The following TTC28 variants were observed in gnomAD, a reference collection of about 807,000 sequenced individuals.
TTC28 encodes the protein tetratricopeptide repeat protein 28.
A neutral mutation model predicts 198.0 loss-of-function variants in TTC28; 61 were observed. That is an observed-to-expected ratio of 0.31 (90% CI 0.25 to 0.38). The LOEUF is 0.38. TTC28 is among the 10% of genes least tolerant of loss of function. The pLI, the probability that TTC28 is intolerant of heterozygous loss-of-function variation, is 1.00. For missense variants in TTC28, 2,678 were observed against 3,164.0 expected, an observed-to-expected ratio of 0.85 and a Z score of 3.69; for synonymous variants, 1,171 against 1,297.8, an observed-to-expected ratio of 0.90 and a Z score of 2.10.
intron 1 of TTC28, among the ~76,000 whole-genome samples, chr22:28,639,916 A>G (rs1043833413): frequency 1.3e-5 from 2 of 152,246 alleles, no homozygotes; most frequent in African/African-American, 2.4e-5. Context: ...ACTAAAATAT[A>G]TAATACACGA....
intron 5 of TTC28, among the ~76,000 whole-genome samples, chr22:28,265,142 A>G (rs1385457963): frequency 6.6e-6 from 1 of 152,196 alleles, no homozygotes; most frequent in Non-Finnish European, 1.5e-5. Context: ...TCCTGTGCTC[A>G]TTGTTTTTAT....
chr22:28,480,998 G>T (rs1467496237), intron 2 of TTC28, among the ~76,000 whole-genome samples: 3 of 152,038 alleles, frequency 2.0e-5, no homozygotes, highest in Admixed American at 2.0e-4. Flanking sequence ...CTCCCTGAAG[G>T]TCACACAGCC....
At chr22:28,239,683 T>C (rs1929522134) in intron 5 of TTC28, among the ~76,000 whole-genome samples, 1 of 152,118 alleles carries the variant, frequency 6.6e-6, no homozygotes, top group Non-Finnish European at 1.5e-5. Flanking sequence ...TTTGGGTTTT[T>C]TTCCCCTAGG....
At chr22:28,170,221 C>T (rs1922520721) in intron 5 of TTC28, among the ~76,000 whole-genome samples, 2 of 152,120 alleles carry the variant, frequency 1.3e-5, no homozygotes, top group African/African-American at 2.4e-5. Flanking sequence ...GGTGCGGTGG[C>T]TCACACCTGT....
intron 2 of TTC28, among the ~76,000 whole-genome samples, chr22:28,593,333 A>G (rs944403827): frequency 1.3e-5 from 2 of 152,184 alleles, no homozygotes; most frequent in African/African-American, 4.8e-5. Context: ...TAGCTCTTCC[A>G]ATATTCATGC....
At chr22:28,309,983 C>T (rs1453299485) in intron 2 of TTC28, among the ~76,000 whole-genome samples, 1 of 152,046 alleles carries the variant, frequency 6.6e-6, no homozygotes. Context: ...TGTTGGTCAC[C>T]ACAAATACAC....
At chr22:28,607,084 A>G (rs755470609) in intron 2 of TTC28, among the ~76,000 whole-genome samples, 3 of 152,212 alleles carry the variant, frequency 2.0e-5, no homozygotes, top group Non-Finnish European at 4.4e-5. Context: ...GATACTGAGA[A>G]GAGCCCAAAC....
intron 6 of TTC28, among the ~76,000 whole-genome samples, chr22:28,133,174 G>A (rs982754132): frequency 6.6e-6 from 1 of 152,222 alleles, no homozygotes; most frequent in African/African-American, 2.4e-5. Context: ...CGTGAGGTGA[G>A]ATCGTGCCAT....
chr22:28,101,333 A>G (rs1000035248), intron 8 of TTC28, 53 bp from the exon 9 acceptor site: 2 of 1,409,686 alleles, frequency 1.4e-6, no homozygotes, highest in Non-Finnish European at 2.0e-6. Flanking sequence ...TAATTCCACT[A>G]TCCTAAGGAG....
intron 2 of TTC28, among the ~76,000 whole-genome samples, chr22:28,625,746 A>G (rs1049167280): frequency 1.3e-5 from 2 of 152,204 alleles, no homozygotes; most frequent in East Asian, 1.9e-4. Flanking sequence ...ACTTAGAAAA[A>G]AGAAAGAACA....
intron 2 of TTC28, among the ~76,000 whole-genome samples, chr22:28,609,689 T>G (rs1236997807): frequency 6.6e-6 from 1 of 151,008 alleles, no homozygotes; most frequent in Non-Finnish European, 1.5e-5. Context: ...GTTTGTTTGT[T>G]TTTTTTTTTC....
chr22:28,449,907 T>C (rs1238900087), intron 2 of TTC28, among the ~76,000 whole-genome samples: 2 of 152,060 alleles, frequency 1.3e-5, no homozygotes, highest in Non-Finnish European at 2.9e-5. Context: ...CCAAGAAGGA[T>C]TTAAAGGTGA....
intron 1 of TTC28, among the ~76,000 whole-genome samples, chr22:28,646,240 T>C (rs1223041913): frequency 2.0e-5 from 3 of 152,206 alleles, no homozygotes; most frequent in Non-Finnish European, 4.4e-5. Flanking sequence ...CACAGATCAG[T>C]GGCACTGCTA....
chr22:28,647,539 A>G (rs2051488259), intron 1 of TTC28, among the ~76,000 whole-genome samples: 1 of 152,104 alleles, frequency 6.6e-6, no homozygotes, highest in African/African-American at 2.4e-5. Context: ...ACACAATCCC[A>G]TCAAAAAGCG....
chr22:28,537,068 C>T (rs1013964634), intron 2 of TTC28, among the ~76,000 whole-genome samples: 1 of 150,542 alleles, frequency 6.6e-6, no homozygotes, highest in Admixed American at 6.6e-5. Context: ...CCGAGGCAGG[C>T]GGATCACGAG....
At chr22:28,109,591 C>A (rs553922559) in intron 6 of TTC28, among the ~76,000 whole-genome samples, 1 of 152,280 alleles carries the variant, frequency 6.6e-6, no homozygotes, top group East Asian at 1.9e-4. Flanking sequence ...ATTGTTTTAA[C>A]AAGCAGTTTA....
chr22:28,482,735 C>T (rs2048269245), intron 2 of TTC28, among the ~76,000 whole-genome samples: 1 of 152,136 alleles, frequency 6.6e-6, no homozygotes, highest in Non-Finnish European at 1.5e-5. Flanking sequence ...CTATTCTCCC[C>T]TCTCCCTTTG....
Position 27,981,725 on chromosome 22 carries a change from A to G in TTC28, c.*496T>C, listed in dbSNP as rs557476474. On this transcript the variant is annotated 3_prime_UTR_variant, in exon 23 of 23. Coordinates refer to ENST00000397906, the MANE Select transcript of TTC28 (RefSeq NM_001145418.2). ...AACCATTTTTCTGTTTTTGGCTAAT[A>G]TAACACTTTCCTGTAGAATTCAACT... 2.6e-3 allele frequency: 393 copies of G among 153,150 alleles called. No homozygotes were observed. The highest frequency in any genetic ancestry group is 4.5e-3 in the Non-Finnish European group (310 of 68,634). 9.5% of individuals were successfully genotyped at this position (153,150 alleles called of 1,614,324 possible).
intron 2 of TTC28, among the ~76,000 whole-genome samples, chr22:28,446,729 T>C (rs775108750): frequency 6.6e-6 from 1 of 152,162 alleles, no homozygotes. Flanking sequence ...CTCTTTTCTT[T>C]ATAAATTACC....
Sources: gnomAD v4.1 joint callset for allele counts (sites outside exome capture counted in the v4.1 genomes callset) on GRCh38, gnomAD v4.1.1 for gene constraint, MANE v1.5 for transcripts, NCBI Gene and HGNC (gene_info 2026-07-23, HGNC 2026-07-21) for gene names.